CPLANE1: variants seen among roughly 807,000 people sequenced by gnomAD.
The protein encoded by CPLANE1 is ciliogenesis and planar polarity effector 1.
CPLANE1 carries 263 observed loss-of-function variants against 362.5 expected under a neutral mutation model. The ratio of observed to expected loss-of-function variants is 0.73; its 90% CI spans 0.66 to 0.80. CPLANE1 has a LOEUF of 0.80. Ranked by LOEUF, CPLANE1 falls within the 30% of genes least tolerant of loss-of-function variation. The probability of loss-of-function intolerance (pLI) is 0.00; values close to 1 mark genes in which losing one functional copy is unlikely to be tolerated. For missense variants in CPLANE1, 3,461 were observed against 3,793.4 expected (o/e 0.91, Z 2.30); for synonymous variants, 1,212 against 1,302.6 (o/e 0.93, Z 1.50).
At chr5:37,119,234 T>C (rs1579859005) in intron 50 of CPLANE1, among the ~76,000 whole-genome samples, 1 of 152,320 alleles carries the variant, frequency 6.6e-6, no homozygotes, top group Admixed American at 6.5e-5. Flanking sequence ...TTCTTAGCAT[T>C]CCTATTCTGT....
At chr5:37,157,632 T>C (rs1580260236) in intron 40 of CPLANE1, 38 bp downstream of exon 40, 3 of 1,564,048 alleles carry the variant, frequency 1.9e-6, no homozygotes, top group South Asian at 1.1e-5. Flanking sequence ...TAAAGAACTT[T>C]TCAAATTATA....
chr5:37,222,054 A>G (rs915131410), intron 14 of CPLANE1, among the ~76,000 whole-genome samples: 4 of 151,946 alleles, frequency 2.6e-5, no homozygotes, highest in Admixed American at 6.6e-5. Context: ...CAGTTATCCA[A>G]TAAGATAGGA....
the CPLANE1 span, among the ~76,000 whole-genome samples, chr5:37,081,688 G>A: frequency 6.6e-6 from 1 of 152,080 alleles, no homozygotes; most frequent in Non-Finnish European, 1.5e-5. Flanking sequence ...TTAAGAAATG[G>A]TGCCTGAAAT....
intron 47 of CPLANE1, chr5:37,125,034 T>G: frequency 2.3e-6 from 3 of 1,324,562 alleles, no homozygotes; most frequent in Non-Finnish European, 2.9e-6. Flanking sequence ...AGAAAATATT[T>G]AAGATAATTC....
the CPLANE1 span, among the ~76,000 whole-genome samples, chr5:37,077,791 T>C: frequency 3.3e-5 from 5 of 151,976 alleles, no homozygotes. Context: ...TTTTTAAATT[T>C]TTTTTGTAGA....
At chr5:37,095,920 A>G in the CPLANE1 span, among the ~76,000 whole-genome samples, 1 of 152,220 alleles carries the variant, frequency 6.6e-6, no homozygotes, top group East Asian at 1.9e-4. Context: ...GCTGAAGGAA[A>G]TCATAGATGA....
intron 25 of CPLANE1, among the ~76,000 whole-genome samples, chr5:37,184,486 G>C (rs1783462386): frequency 6.6e-6 from 1 of 151,814 alleles, no homozygotes; most frequent in South Asian, 2.1e-4. Context: ...TAAGTCTAAA[G>C]ATTACTAAAA....
rs1432843651 is a variant in CPLANE1, at chr5:37,180,138, A to G, written c.5616T>C (p.Asn1872=). The change falls in exon 28 of 53, where the codon AAT becomes AAC. Residue 1872 remains asparagine, a synonymous_variant. Transcript: ENST00000651892. ...EAKNPDIKEI[N]DDIISITHNT... Reference sequence around the variant, plus strand: ...TATGAGTGATGGAAATAATATCATCATTGATTTCTTTTATATCAGGATTTT... The same window carrying G: ...TATGAGTGATGGAAATAATATCATCGTTGATTTCTTTTATATCAGGATTTT... The G allele has an allele frequency of 1.3e-6, 2 of 1,541,222 alleles. No individual in the cohort carries two copies. Among genetic ancestry groups the G allele is most frequent in the Non-Finnish European group, 8.7e-7 (1 of 1,146,788 alleles).
At chr5:37,211,678 C>G (rs995789609) in intron 16 of CPLANE1, 4 of 789,106 alleles carry the variant, frequency 5.1e-6, no homozygotes, top group Non-Finnish European at 9.3e-6. Context: ...GACAGAATGC[C>G]CCCGCCATCA....
At chr5:37,196,195 C>T (rs1196823691) in intron 20 of CPLANE1, among the ~76,000 whole-genome samples, 199 bp from the exon 21 acceptor site, 1 of 148,562 alleles carries the variant, frequency 6.7e-6, no homozygotes, top group Non-Finnish European at 1.5e-5. Context: ...AAAAAAGGTT[C>T]TAAGTAAATC....
chr5:37,224,180 A>T, intron 14 of CPLANE1, 73 bp downstream of exon 14: 1 of 953,484 alleles, frequency 1.0e-6, no homozygotes, highest in Non-Finnish European at 1.6e-6. Context: ...ATTTAGAATT[A>T]CTGTTAAGGT....
chr5:37,220,326 C>A (rs1448447461), intron 15 of CPLANE1, among the ~76,000 whole-genome samples: 1 of 151,820 alleles, frequency 6.6e-6, no homozygotes, highest in Non-Finnish European at 1.5e-5. Context: ...TTGCTATCAA[C>A]TCTGTTTAGA....
chr5:37,140,542 T>C (rs1769361563), intron 44 of CPLANE1: 2 of 985,062 alleles, frequency 2.0e-6, no homozygotes, highest in South Asian at 4.7e-5. Context: ...ATTAATCCTA[T>C]GTACTTAGGA....
At chr5:37,240,352 AG>A (rs1236331236) in intron 6 of CPLANE1, among the ~76,000 whole-genome samples, 1 of 152,164 alleles carries the variant, frequency 6.6e-6, no homozygotes, top group Non-Finnish European at 1.5e-5. Flanking sequence ...TCCATATCAA[AG>A]AAAAAAAAGA....
At chr5:37,206,521 C>A in intron 16 of CPLANE1, 96 bp from the exon 17 acceptor site, 1 of 760,238 alleles carries the variant, frequency 1.3e-6, no homozygotes. Context: ...GTATTATCTA[C>A]AAAAAACCAC....
Position 37,138,801 on chromosome 5 carries a change from T to C in CPLANE1, c.8711A>G (p.Asp2904Gly), listed in dbSNP as rs144427399. Residue 2904 changes from aspartate (D) to glycine (G), a missense_variant, in exon 46 of 53, where the codon GAC becomes GGC. This residue lies in a region of CPLANE1 where 3,380 missense variants were observed against 3,666.1 expected (regional missense o/e 0.92). Transcript: ENST00000651892. The stretch of plus-strand genomic sequence containing the variant: ...TTTAATTATAAGGTCATCAATAATG[T>C]CTGCAATATCAGTCAATCCAGTCAT... The part of the protein sequence containing the change: ...LQMTGLTDIA[D>G]IIDDLIIKDG... The C allele has an allele frequency of 1.6e-4, 263 of 1,612,892 alleles. 2 individuals are homozygous for C. In the African/African-American group the frequency reaches 3.1e-3, roughly 19 times the overall value.
chr5:37,243,571 T>G (rs1475750977), intron 5 of CPLANE1, among the ~76,000 whole-genome samples: 1 of 150,870 alleles, frequency 6.6e-6, no homozygotes, highest in African/African-American at 2.4e-5. Flanking sequence ...TTTAAGTTCA[T>G]GAATCTGTTA....
Position 37,182,745 on chromosome 5 carries a change from A to C in CPLANE1, c.5421+15T>G. On this transcript the variant is annotated intron_variant, in intron 26 of 52. Transcript: ENST00000651892. Reference sequence around the variant, plus strand: ...GAATTCTCATTTGTAAGTAATAAACAATTGATATGCTTACCTTAATAATGG... The same window carrying C: ...GAATTCTCATTTGTAAGTAATAAACCATTGATATGCTTACCTTAATAATGG... 6.8e-7 allele frequency: 1 copy of C among 1,479,418 alleles called. No homozygotes were observed. Among genetic ancestry groups the C allele is most frequent in the Non-Finnish European group, 9.3e-7 (1 of 1,073,844 alleles). The allele number at this position is 1,479,418 out of a possible 1,614,324, so 91.6% of individuals were successfully genotyped here.
intron 32 of CPLANE1, among the ~76,000 whole-genome samples, chr5:37,171,811 A>G (rs900373154): frequency 6.8e-6 from 1 of 147,524 alleles, no homozygotes; most frequent in African/African-American, 2.5e-5. Context: ...CTAAAAGACA[A>G]GGTCTCACCC....
Sources: gnomAD v4.1 joint callset for allele counts (sites outside exome capture counted in the v4.1 genomes callset) on GRCh38, gnomAD v4.1.1 for gene constraint, gnomAD v4.1.1 regional missense constraint, MANE v1.5 for transcripts, NCBI Gene and HGNC (gene_info 2026-07-23, HGNC 2026-07-21) for gene names.